The following MAP3K9 variants were observed in gnomAD, a reference collection of about 807,000 sequenced individuals.
MAP3K9 encodes mixed lineage kinase 1 (tyr and ser/thr specificity).
Under a neutral mutation model 95.8 loss-of-function variants are expected in MAP3K9, and 46 were observed. That is an observed-to-expected ratio of 0.48 (90% CI 0.38 to 0.61). The LOEUF (loss-of-function observed/expected upper bound fraction) is 0.61. MAP3K9 is among the 20% of genes least tolerant of loss of function. The probability of loss-of-function intolerance (pLI) is 0.00; values close to 1 mark genes in which losing one functional copy is unlikely to be tolerated. For missense variants in MAP3K9, 1,296 were observed against 1,474.3 expected (o/e 0.88, Z 1.98); for synonymous variants, 533 against 593.8 (o/e 0.90, Z 1.49).
At chr14:70,807,871 T>C (rs1006489182) in intron 1 of MAP3K9, among the ~76,000 whole-genome samples, 11 of 152,082 alleles carry the variant, frequency 7.2e-5, no homozygotes, top group Non-Finnish European at 7.4e-5. Flanking sequence ...ATGGGGCTCC[T>C]GGAAAATTGA....
At chr14:70,742,645 G>A (rs1039935183) in intron 5 of MAP3K9, 54 bp from the exon 6 acceptor site, 4 of 1,579,768 alleles carry the variant, frequency 2.5e-6, no homozygotes, top group Non-Finnish European at 3.4e-6. Flanking sequence ...AGTGCAGAGG[G>A]GCTCTGGGGT....
chr14:70,801,228 G>T, intron 1 of MAP3K9, 148 bp from the exon 2 acceptor site: 1 of 696,134 alleles, frequency 1.4e-6, no homozygotes, highest in Non-Finnish European at 2.3e-6. Flanking sequence ...TTCCATAAGG[G>T]CAGGAACTGC....
At chr14:70,761,749 C>G (rs1218048623) in intron 2 of MAP3K9, among the ~76,000 whole-genome samples, 1 of 152,188 alleles carries the variant, frequency 6.6e-6, no homozygotes, top group South Asian at 2.1e-4. Context: ...TTTTTGTAGA[C>G]CTTTTTTTTG....
At chr14:70,753,897 G>A (rs758497296) in intron 3 of MAP3K9, among the ~76,000 whole-genome samples, 16 of 152,110 alleles carry the variant, frequency 1.1e-4, no homozygotes, top group Non-Finnish European at 2.2e-4. Context: ...AAAAGGCACA[G>A]CAACTCCATG....
intron 9 of MAP3K9, among the ~76,000 whole-genome samples, chr14:70,735,718 AAG>A (rs1566730904): frequency 6.6e-6 from 1 of 152,188 alleles, no homozygotes; most frequent in Admixed American, 6.5e-5. Flanking sequence ...CTCTAAAACC[AAG>A]AGTGCCAGGA....
At chr14:70,794,970 A>C (rs1183083775) in intron 2 of MAP3K9, among the ~76,000 whole-genome samples, 5 of 113,536 alleles carry the variant, frequency 4.4e-5, no homozygotes, top group South Asian at 2.8e-4. Flanking sequence ...AGCCACCGTG[A>C]CCAGCCTCTT....
At chr14:70,734,690 A>T (rs2053960503) in intron 9 of MAP3K9, among the ~76,000 whole-genome samples, 192 bp from the exon 10 acceptor site, 2 of 152,234 alleles carry the variant, frequency 1.3e-5, no homozygotes, top group South Asian at 4.1e-4. Flanking sequence ...CCAGGGAAGA[A>T]AAGGGCAATG....
chr14:70,806,018 G>A (rs1006454445), intron 1 of MAP3K9, among the ~76,000 whole-genome samples: 10 of 152,232 alleles, frequency 6.6e-5, no homozygotes, highest in Non-Finnish European at 1.3e-4. Flanking sequence ...AAGCTGAACA[G>A]TATTGCTTGA....
intron 3 of MAP3K9, among the ~76,000 whole-genome samples, chr14:70,759,868 T>C (rs1344276088): frequency 6.6e-6 from 1 of 152,092 alleles, no homozygotes; most frequent in African/African-American, 2.4e-5. Flanking sequence ...AATCCTCCCA[T>C]CTCAGCCTCC....
intron 2 of MAP3K9, chr14:70,783,528 A>C: frequency 2.3e-6 from 1 of 437,248 alleles, no homozygotes; most frequent in Non-Finnish European, 3.0e-6. Flanking sequence ...CAAAATCCAA[A>C]TTCTCTTTGT....
Position 70,739,753 on chromosome 14 carries a change from A to C in MAP3K9, c.1690+289T>G, listed in dbSNP as rs1189762655. 8.5e-6 allele frequency: 7 copies of C among 826,834 alleles called. No individual in the cohort carries two copies. In the East Asian group the frequency reaches 1.9e-4, roughly 22 times the overall value. 51.2% of individuals were successfully genotyped at this position (826,834 alleles called of 1,614,324 possible). On this transcript the variant is annotated intron_variant, in intron 7 of 11. Coordinates refer to ENST00000554752, the MANE Select transcript of MAP3K9 (RefSeq NM_001284230.2). ...AGGTAGCAACCTGTATCCACATCACACACCAGTTTCTAAATTGCTTTGCAA... is the reference window on the plus strand; with the variant it reads ...AGGTAGCAACCTGTATCCACATCACCCACCAGTTTCTAAATTGCTTTGCAA...
intron 2 of MAP3K9, among the ~76,000 whole-genome samples, chr14:70,774,815 TC>T (rs1318138013): frequency 6.6e-6 from 1 of 151,734 alleles, no homozygotes. Flanking sequence ...TGAAACCCCA[TC>T]TCTACTAAAA....
At chr14:70,757,475 G>C (rs568800350) in intron 3 of MAP3K9, among the ~76,000 whole-genome samples, 31 of 148,424 alleles carry the variant, frequency 2.1e-4, no homozygotes, top group Admixed American at 3.4e-4. Flanking sequence ...AAAAAAAAAG[G>C]GTGTAAATAA....
chr14:70,762,184 C>T (rs537715820), intron 2 of MAP3K9, among the ~76,000 whole-genome samples: 1 of 152,274 alleles, frequency 6.6e-6, no homozygotes, highest in East Asian at 1.9e-4. Flanking sequence ...TTTCTGGCTA[C>T]TGTGACTAGT....
intron 2 of MAP3K9, among the ~76,000 whole-genome samples, chr14:70,776,189 AAAAT>A (rs796269617): frequency 3.3e-5 from 5 of 152,326 alleles, no homozygotes; most frequent in African/African-American, 1.2e-4. Flanking sequence ...ACTCCGTCTC[AAAAT>A]AAATAAATAA....
intron 2 of MAP3K9, among the ~76,000 whole-genome samples, chr14:70,775,943 C>G (rs1380575367): frequency 2.0e-5 from 3 of 152,184 alleles, no homozygotes; most frequent in Non-Finnish European, 4.4e-5. Context: ...AATCCGAGCA[C>G]TTTGGGAGGC....
intron 2 of MAP3K9, among the ~76,000 whole-genome samples, chr14:70,768,966 ATGTTT>A (rs952981053): frequency 1.3e-5 from 2 of 152,194 alleles, no homozygotes; most frequent in Non-Finnish European, 2.9e-5. Flanking sequence ...TTTGAGGGTT[ATGTTT>A]TGTTTTATTT....
At chr14:70,769,426 A>G (rs1232074156) in intron 2 of MAP3K9, among the ~76,000 whole-genome samples, 1 of 152,188 alleles carries the variant, frequency 6.6e-6, no homozygotes, top group Non-Finnish European at 1.5e-5. Flanking sequence ...TCTAAATAAG[A>G]TAATGTTTAG....
intron 1 of MAP3K9, among the ~76,000 whole-genome samples, chr14:70,803,255 C>G (rs2054951370): frequency 1.3e-5 from 2 of 149,760 alleles, no homozygotes; most frequent in South Asian, 4.3e-4. Context: ...TTATAAATTA[C>G]CCAGCCTCAG....
Sources: gnomAD v4.1 joint callset for allele counts (sites outside exome capture counted in the v4.1 genomes callset) on GRCh38, gnomAD v4.1.1 for gene constraint, MANE v1.5 for transcripts, NCBI Gene and HGNC (gene_info 2026-07-23, HGNC 2026-07-21) for gene names.